EXT1: variants seen among roughly 807,000 people sequenced by gnomAD.
EXT1 encodes exostosin glycosyltransferase 1, also known as exostosin-1.
Under a neutral mutation model 82.5 loss-of-function variants are expected in EXT1, and 20 were observed. That is an observed-to-expected ratio of 0.24 (90% CI 0.17 to 0.35). EXT1 has a LOEUF of 0.35. EXT1 is among the 10% of genes least tolerant of loss of function. The probability of loss-of-function intolerance (pLI) is 1.00; values close to 1 mark genes in which losing one functional copy is unlikely to be tolerated. For synonymous variants in EXT1, 348 were observed against 350.8 expected (o/e 0.99, Z 0.09); for missense variants, 757 against 936.5 (o/e 0.81, Z 2.50).
At chr8:117,976,760 T>C (rs1815073376) in intron 1 of EXT1, among the ~76,000 whole-genome samples, 1 of 152,220 alleles carries the variant, frequency 6.6e-6, no homozygotes, top group South Asian at 2.1e-4. Context: ...TGTTTAGATA[T>C]CTCAGTCTCA....
chr8:117,860,522 C>G (rs187199250), intron 1 of EXT1, among the ~76,000 whole-genome samples: 1 of 152,258 alleles, frequency 6.6e-6, no homozygotes, highest in African/African-American at 2.4e-5. Context: ...ATTGGTGATT[C>G]AGTATGTCCT....
intron 1 of EXT1, among the ~76,000 whole-genome samples, chr8:117,911,472 A>C (rs562452675): frequency 1.2e-4 from 18 of 152,176 alleles, no homozygotes; most frequent in Non-Finnish European, 2.4e-4. Context: ...CCATCAATGA[A>C]GCCTACAAAA....
At chr8:117,906,948 A>G (rs184994459) in intron 1 of EXT1, among the ~76,000 whole-genome samples, 33 of 152,286 alleles carry the variant, frequency 2.2e-4, no homozygotes, top group Non-Finnish European at 4.4e-4. Flanking sequence ...CAGAATTCCA[A>G]GCAGAGAAAG....
At chr8:118,053,059 G>A (rs1816743925) in intron 1 of EXT1, among the ~76,000 whole-genome samples, 1 of 152,216 alleles carries the variant, frequency 6.6e-6, no homozygotes. Context: ...TCATCAGAGT[G>A]GTGGGGAGGA....
intron 10 of EXT1, among the ~76,000 whole-genome samples, chr8:117,801,148 A>T (rs1823161278): frequency 6.6e-6 from 1 of 152,260 alleles, no homozygotes; most frequent in Non-Finnish European, 1.5e-5. Flanking sequence ...ATAACATTGA[A>T]GATAAACACA....
chr8:117,988,245 G>T (rs563971523), intron 1 of EXT1, among the ~76,000 whole-genome samples: 2 of 152,292 alleles, frequency 1.3e-5, no homozygotes, highest in East Asian at 3.9e-4. Flanking sequence ...ATAAAACACT[G>T]AGTAGCATCA....
chr8:118,109,360 T>TAA (rs35438767), intron 1 of EXT1, among the ~76,000 whole-genome samples: 75,991 of 138,312 alleles, frequency 0.55, 21,791 homozygotes, highest in Middle Eastern at 0.68. Flanking sequence ...GGCCCACATT[T>TAA]AAAAAAAAAA....
intron 1 of EXT1, among the ~76,000 whole-genome samples, chr8:117,931,532 A>G (rs1235169323): frequency 6.6e-6 from 1 of 151,402 alleles, no homozygotes; most frequent in Non-Finnish European, 1.5e-5. Flanking sequence ...AGGTGGGAAT[A>G]AGAGAGGGGG....
At position 117,930,184 on chromosome 8, in the gene EXT1, A is replaced by G. The variant is rs76184977; in HGVS notation, c.963-92983T>C. 3.4e-3 allele frequency among the ~76,000 whole-genome samples: 515 copies of G among 152,230 alleles called. 3 individuals are homozygous for G. The highest frequency in any genetic ancestry group is 0.011 in the African/African-American group (469 of 41,528). On this transcript the variant is annotated intron_variant, in intron 1 of 10. Coordinates refer to ENST00000378204, the MANE Select transcript of EXT1 (RefSeq NM_000127.3). ...CTTGTCATTGATCAAGAAGTGCAAG[A>G]CTACCTATCACTCATTGTCATCCCA...
Position 117,822,473 on chromosome 8 carries a change from G to A in EXT1, c.1409C>T (p.Ala470Val), listed in dbSNP as rs768039171. Reference sequence around the variant, plus strand: ...GGAGGAAATTCACTTACCTAAATTAGCATAGTAGTAAGGAAAATCTCCCAG... The same window carrying A: ...GGAGGAAATTCACTTACCTAAATTAACATAGTAGTAAGGAAAATCTCCCAG... ...SYLGDFPYYY[A>V]NLGLKPPSKF... The change falls in exon 5 of 11, where the codon GCT (alanine) becomes GTT (valine). Residue 470 changes from alanine (A) to valine (V), a missense_variant. Ala to Val is a moderately conservative substitution (Grantham distance 64, BLOSUM62 0). Around this residue, in one of 4 missense-constraint regions of EXT1, gnomAD observed 207 missense variants for 224.2 expected, o/e 0.92. Transcript: ENST00000378204. 1 of 1,613,134 alleles carries A rather than the reference G, an allele frequency of 6.2e-7. No homozygotes were observed. Among genetic ancestry groups the A allele is most frequent in the South Asian group, 1.1e-5 (1 of 91,078 alleles).
chr8:118,111,038 G>T lies in EXT1; in HGVS notation c.9C>A (p.Ala3=). 1 of 1,595,832 alleles carries T rather than the reference G, an allele frequency of 6.3e-7. No homozygotes were observed. Residue 3 remains alanine, a synonymous_variant, in exon 1 of 11, where the codon GCC becomes GCA. Coordinates refer to ENST00000378204, the MANE Select transcript of EXT1 (RefSeq NM_000127.3). ...AGAGCAGGATGAAATAGCGTTTTTT[G>T]GCCTGCATGTGTCCTGCCTGGGTCA... is the stretch of plus-strand genomic sequence containing the variant. The part of the protein sequence containing the change: MQ[A]KKRYFILLSA...
At chr8:118,009,217 C>T (rs1183082967) in intron 1 of EXT1, among the ~76,000 whole-genome samples, 2 of 152,208 alleles carry the variant, frequency 1.3e-5, no homozygotes, top group African/African-American at 2.4e-5. Context: ...TGTGAGCACG[C>T]CTCCCAGACT....
chr8:117,934,983 A>G (rs1325644890), intron 1 of EXT1, among the ~76,000 whole-genome samples: 1 of 152,238 alleles, frequency 6.6e-6, no homozygotes, highest in Non-Finnish European at 1.5e-5. Flanking sequence ...CAGCTTAAAC[A>G]GTGTCATAAG....
intron 1 of EXT1, among the ~76,000 whole-genome samples, chr8:118,097,112 A>G (rs949464605): frequency 4.6e-5 from 7 of 151,948 alleles, no homozygotes; most frequent in Admixed American, 1.3e-4. Context: ...CCCCACTCCT[A>G]CTTTGCATCC....
At chr8:118,006,201 TACTATA>T (rs1815771570) in intron 1 of EXT1, among the ~76,000 whole-genome samples, 1 of 152,216 alleles carries the variant, frequency 6.6e-6, no homozygotes, top group African/African-American at 2.4e-5. Flanking sequence ...GGAGTGAGTC[TACTATA>T]ACTTATTCTC....
Position 118,110,719 on chromosome 8 carries a change from T to C in EXT1, c.328A>G (p.Lys110Glu). Residue 110 changes from lysine (K) to glutamate (E), a missense_variant, in exon 1 of 11, where the codon AAG becomes GAG. Transcript: ENST00000378204. ...ACGTAGACTTTGAAGCCGTTTTTCT[T>C]GCAAAGGGTGAAATCGAAGCAGGAC... ...MESCFDFTLC[K>E]KNGFKVYVYP... 6.2e-7 allele frequency: 1 copy of C among 1,614,156 alleles called. No individual in the cohort carries two copies. Among genetic ancestry groups the C allele is most frequent in the Non-Finnish European group, 8.5e-7 (1 of 1,180,034 alleles).
At chr8:117,818,274 G>A (rs1335274649) in intron 7 of EXT1, among the ~76,000 whole-genome samples, 161 bp downstream of exon 7, 1 of 152,190 alleles carries the variant, frequency 6.6e-6, no homozygotes, top group Non-Finnish European at 1.5e-5. Flanking sequence ...TGATTTGAAA[G>A]CCTATTGTGG....
At chr8:117,960,635 A>C (rs1161003582) in intron 1 of EXT1, among the ~76,000 whole-genome samples, 1 of 152,232 alleles carries the variant, frequency 6.6e-6, no homozygotes, top group Non-Finnish European at 1.5e-5. Flanking sequence ...AATAAAGAGA[A>C]AAATGTTGTA....
chr8:117,863,413 T>TTG (rs1554582092), intron 1 of EXT1, among the ~76,000 whole-genome samples: 4 of 110,894 alleles, frequency 3.6e-5, no homozygotes, highest in African/African-American at 5.3e-5. Flanking sequence ...AAGTCTAGGT[T>TTG]TTTTTTTTTT....
Sources: gnomAD v4.1 joint callset for allele counts (sites outside exome capture counted in the v4.1 genomes callset) on GRCh38, gnomAD v4.1.1 for gene constraint, gnomAD v4.1.1 regional missense constraint, MANE v1.5 for transcripts, NCBI Gene and HGNC (gene_info 2026-07-23, HGNC 2026-07-21) for gene names.